The following PEBP1 variants were observed in gnomAD, a reference collection of about 807,000 sequenced individuals.
PEBP1 encodes phosphatidylethanolamine binding protein 1, also known as phosphatidylethanolamine-binding protein 1.
In PEBP1, 17 loss-of-function variants were observed where a neutral mutation model predicts 22.7. That is an observed-to-expected ratio of 0.75 (90% CI 0.51 to 1.12). The LOEUF (loss-of-function observed/expected upper bound fraction) is 1.12, where lower values mean the gene tolerates loss of function less well. PEBP1 is among the 50% of genes most tolerant of loss of function. PEBP1 has a pLI of 0.00. For missense variants in PEBP1, 205 were observed against 243.5 expected (o/e 0.84, Z 1.05); for synonymous variants, 106 against 104.3 (o/e 1.02, Z -0.10).
intron 3 of PEBP1, 62 bp downstream of exon 3, chr12:118,139,613 A>G: frequency 1.0e-6 from 1 of 999,304 alleles, no homozygotes. Flanking sequence ...ATTAGGATTG[A>G]CCCAATGCTT....
intron 1 of PEBP1, among the ~76,000 whole-genome samples, chr12:118,137,353 A>G (rs1281094231): frequency 6.6e-6 from 1 of 152,092 alleles, no homozygotes; most frequent in Admixed American, 6.6e-5. Context: ...GACTGAAATA[A>G]TATACAGCCT....
At chr12:118,137,184 T>C (rs1297788396) in intron 1 of PEBP1, among the ~76,000 whole-genome samples, 1 of 152,164 alleles carries the variant, frequency 6.6e-6, no homozygotes, top group African/African-American at 2.4e-5. Context: ...TTCAGCAGGC[T>C]CCAGGTAACC....
At chr12:118,142,830 T>G (rs374411102) in intron 3 of PEBP1, among the ~76,000 whole-genome samples, 2,593 of 32,192 alleles carry the variant, frequency 0.081, 24 homozygotes, top group Non-Finnish European at 0.088. Flanking sequence ...CATTCACTTT[T>G]TTTTTTTTTT....
In PEBP1 at chr12:118,141,162, G is replaced by T. The variant is rs569460424; in HGVS notation, c.346+1611G>T. Reference sequence around the variant, plus strand: ...GATGGAGTCTCGCTCTGTCTCCCAGGCTGGAGTGCAATGGCGTGATCTCGG... The same window carrying T: ...GATGGAGTCTCGCTCTGTCTCCCAGTCTGGAGTGCAATGGCGTGATCTCGG... On this transcript the variant is annotated intron_variant, in intron 3 of 3. Transcript: ENST00000261313. Among the ~76,000 whole-genome samples, 7 of 151,818 alleles carry T rather than the reference G, an allele frequency of 4.6e-5. No homozygotes were observed. The East Asian group carries it at 1.4e-3, about 29-fold the overall frequency.
intron 2 of PEBP1, chr12:118,139,158 C>G: frequency 3.1e-6 from 1 of 325,818 alleles, no homozygotes; most frequent in South Asian, 2.4e-5. Flanking sequence ...ACTAAAAATA[C>G]GAAAATTAGC....
chr12:118,136,987 A>G lies in PEBP1; in HGVS notation c.135+643A>G, dbSNP rs1442441202. ...AGTTGGTTATGAAGCTCCGGGCAACAGCGTAAAATAAACTGCCCCGACCTT... is the reference window on the plus strand; with the variant it reads ...AGTTGGTTATGAAGCTCCGGGCAACGGCGTAAAATAAACTGCCCCGACCTT... On this transcript the variant is annotated intron_variant, in intron 1 of 3. Coordinates refer to ENST00000261313, the MANE Select transcript of PEBP1 (RefSeq NM_002567.4). The surrounding 1 kb of genome is among the most constrained non-coding windows in gnomAD (Gnocchi z 5.6). 1.3e-5 allele frequency among the ~76,000 whole-genome samples: 2 copies of G among 152,208 alleles called. No individual in the cohort carries two copies. The highest frequency in any genetic ancestry group is 4.8e-5 in the African/African-American group (2 of 41,458).
chr12:118,142,173 T>TC (rs2138087111), intron 3 of PEBP1, among the ~76,000 whole-genome samples: 1 of 149,336 alleles, frequency 6.7e-6, no homozygotes, highest in African/African-American at 2.4e-5. Context: ...TGCCATGCAT[T>TC]CTTTTTTTTT....
rs768506934 is a variant in PEBP1 at position 118,139,531 on chromosome 12, C to T, written c.326C>T (p.Ser109Leu). 11 of 1,612,272 alleles carry T rather than the reference C, an allele frequency of 6.8e-6. No individual in the cohort carries two copies. Among genetic ancestry groups the T allele is most frequent in the African/African-American group, 1.3e-5 (1 of 74,904 alleles). ...ACAGTCCTCTCCGATTATGTGGGCT[C>T]GGGGCCTCCCAAGGGCACAGGTTAG... ...SGTVLSDYVG[S>L]GPPKGTGLHR... The change falls in exon 3 of 4, where the codon TCG becomes TTG. Residue 109 changes from serine to leucine, a missense_variant. Ser to Leu is a moderately radical substitution (Grantham distance 145). Transcript: ENST00000261313.
intron 2 of PEBP1, among the ~76,000 whole-genome samples, 178 bp downstream of exon 2, chr12:118,138,326 G>A (rs1424265682): frequency 1.3e-5 from 2 of 152,120 alleles, no homozygotes; most frequent in East Asian, 1.9e-4. Context: ...ACTCACAGCC[G>A]AGAGCCATAT....
At chr12:118,138,698 G>A (rs2034088320) in intron 2 of PEBP1, among the ~76,000 whole-genome samples, 1 of 152,014 alleles carries the variant, frequency 6.6e-6, no homozygotes, top group Non-Finnish European at 1.5e-5. Flanking sequence ...GCCCGGCCTG[G>A]TTTTCACATT....
Position 118,138,060 on chromosome 12 carries a change from A to G in PEBP1, c.157A>G (p.Ile53Val). 1.2e-6 allele frequency: 2 copies of G among 1,613,488 alleles called. No homozygotes were observed. The highest frequency in any genetic ancestry group is 1.7e-6 in the Non-Finnish European group (2 of 1,179,638). Residue 53 changes from isoleucine (I) to valine (V), a missense_variant, in exon 2 of 4, where the codon ATT (isoleucine) becomes GTT (valine). Transcript: ENST00000261313. ...ACAGGTTAAGAATAGACCCACCAGC[A>G]TTTCGTGGGATGGTCTTGATTCAGG... ...PTQVKNRPTS[I>V]SWDGLDSGKL... is the part of the protein sequence containing the mutation.
intron 2 of PEBP1, 140 bp from the exon 3 acceptor site, chr12:118,139,311 C>CAAAAA: frequency 2.3e-6 from 1 of 443,584 alleles, no homozygotes; most frequent in Admixed American, 3.3e-5. Flanking sequence ...GACTCTGTCT[C>CAAAAA]AAAAAAAAAA....
chr12:118,142,764 A>G (rs1020416749), intron 3 of PEBP1, among the ~76,000 whole-genome samples: 1 of 149,400 alleles, frequency 6.7e-6, no homozygotes, highest in Non-Finnish European at 1.5e-5. Context: ...GGTGTGAGCC[A>G]CTGCGCCCCC....
intron 3 of PEBP1, among the ~76,000 whole-genome samples, chr12:118,139,753 A>G (rs920090899): frequency 2.6e-5 from 4 of 151,972 alleles, no homozygotes; most frequent in Non-Finnish European, 5.9e-5. Context: ...GGACAGACGG[A>G]CCCTTTGTGT....
rs746679331 is a variant in PEBP1, at chr12:118,144,675, C to T, written c.436C>T (p.Arg146Cys). Residue 146 changes from arginine (R) to cysteine (C), a missense_variant, in exon 4 of 4, where the codon CGT (arginine) becomes TGT (cysteine). Transcript: ENST00000261313. The part of the protein sequence containing the change: ...PILSNRSGDH[R>C]GKFKVASFRK... The stretch of plus-strand genomic sequence containing the variant: ...CCTCAGCAACCGATCTGGAGACCAC[C>T]GTGGCAAATTCAAGGTGGCGTCCTT... The T allele has an allele frequency of 3.1e-6, 5 of 1,614,074 alleles. No homozygotes were observed. The highest frequency in any genetic ancestry group is 4.2e-6 in the Non-Finnish European group (5 of 1,180,022).
chr12:118,144,196 G>A lies in PEBP1; in HGVS notation c.347-390G>A, dbSNP rs756477592. Among the ~76,000 whole-genome samples the A allele has an allele frequency of 9.7e-4, 148 of 152,116 alleles. 1 individual carries two copies. Among genetic ancestry groups the A allele is most frequent in the Admixed American group, 3.6e-3 (55 of 15,262 alleles). On this transcript the variant is annotated intron_variant, in intron 3 of 3. Transcript: ENST00000261313. ...GAAATGGGTGTTCTGATGGGGGGTG[G>A]TGGGTGGTGACTTGAGAAGGTCCGG...
chr12:118,144,614 C>G lies in PEBP1; in HGVS notation c.375C>G (p.Tyr125Ter). The change falls in exon 4 of 4, where the codon TAC (tyrosine) becomes TAG (stop). Residue 125 changes from tyrosine to a stop codon, truncating the protein, a stop_gained. Coordinates refer to ENST00000261313, the MANE Select transcript of PEBP1 (RefSeq NM_002567.4). LOFTEE classifies it high-confidence loss of function. ...TGLHRYVWLV[Y>*]EQDRPLKCDE... ...TCCACCGCTATGTCTGGCTGGTTTA[C>G]GAGCAGGACAGGCCGCTAAAGTGTG... is the stretch of plus-strand genomic sequence containing the variant. 6.2e-7 allele frequency: 1 copy of G among 1,613,692 alleles called. No homozygotes were observed. The highest frequency in any genetic ancestry group is 8.5e-7 in the Non-Finnish European group (1 of 1,179,852).
chr12:118,142,493 A>G (rs2034122146), intron 3 of PEBP1, among the ~76,000 whole-genome samples: 1 of 147,828 alleles, frequency 6.8e-6, no homozygotes, highest in South Asian at 2.2e-4. Flanking sequence ...ATGCCTGGCA[A>G]AATTTACCAT....
chr12:118,139,540 C>T lies in PEBP1; in HGVS notation c.335C>T (p.Pro112Leu). ...TCCGATTATGTGGGCTCGGGGCCTC[C>T]CAAGGGCACAGGTTAGTAAAGGTTG... ...VLSDYVGSGPPKGTGLHRYVW... is the reference protein window; with the variant it reads ...VLSDYVGSGPLKGTGLHRYVW... The change falls in exon 3 of 4, where the codon CCC becomes CTC. Residue 112 changes from proline (P) to leucine (L), a missense_variant. Transcript: ENST00000261313. 2 of 1,611,082 alleles carry T rather than the reference C, an allele frequency of 1.2e-6. No homozygotes were observed. The highest frequency in any genetic ancestry group is 1.3e-5 in the African/African-American group (1 of 74,934).
Sources: gnomAD v4.1 joint callset for allele counts (sites outside exome capture counted in the v4.1 genomes callset) on GRCh38, gnomAD v4.1.1 for gene constraint, Gnocchi (gnomAD v3.1) non-coding constraint, MANE v1.5 for transcripts, NCBI Gene and HGNC (gene_info 2026-07-23, HGNC 2026-07-21) for gene names.